SLC44A5: variants seen among roughly 807,000 people sequenced by gnomAD.
SLC44A5 encodes solute carrier family 44 member 5, also known as choline transporter-like protein 5.
SLC44A5 carries 57 observed loss-of-function variants against 101.8 expected under a neutral mutation model. That is an observed-to-expected ratio of 0.56 (90% CI 0.45 to 0.70). SLC44A5 has a LOEUF of 0.70. Among genes scored for constraint, SLC44A5 ranks in the 30% least tolerant of loss-of-function variants. The pLI is 0.00. For missense variants in SLC44A5, 737 were observed against 853.1 expected, an observed-to-expected ratio of 0.86 and a Z score of 1.70; for synonymous variants, 281 against 290.9, an observed-to-expected ratio of 0.97 and a Z score of 0.35.
At chr1:75,648,117 T>C in the SLC44A5 span, among the ~76,000 whole-genome samples, 2 of 152,186 alleles carry the variant, frequency 1.3e-5, no homozygotes, top group Non-Finnish European at 2.9e-5. Flanking sequence ...GGGAAGCAAT[T>C]AGATCATGGG....
intron 4 of SLC44A5, among the ~76,000 whole-genome samples, chr1:75,329,629 A>G (rs1277794814): frequency 6.6e-6 from 1 of 152,172 alleles, no homozygotes; most frequent in African/African-American, 2.4e-5. Flanking sequence ...ATGAAGGAAT[A>G]AACTAATGCA....
At chr1:75,574,073 T>A (rs77188765) in intron 1 of SLC44A5, among the ~76,000 whole-genome samples, 6,193 of 152,226 alleles carry the variant, frequency 0.041, 419 homozygotes, top group African/African-American at 0.14. Flanking sequence ...AATATTTTTT[T>A]AAAAAGTGAA....
chr1:75,344,463 A>G (rs1658104254), intron 3 of SLC44A5, among the ~76,000 whole-genome samples: 1 of 152,166 alleles, frequency 6.6e-6, no homozygotes, highest in Non-Finnish European at 1.5e-5. Context: ...GATTTTGCAG[A>G]TGTGAATAAA....
At chr1:75,581,434 T>C (rs1570667748) in intron 1 of SLC44A5, among the ~76,000 whole-genome samples, 1 of 152,194 alleles carries the variant, frequency 6.6e-6, no homozygotes, top group South Asian at 2.1e-4. Context: ...GTAAAATATA[T>C]AAAAATGCCA....
the SLC44A5 span, among the ~76,000 whole-genome samples, chr1:75,670,071 A>T: frequency 6.6e-6 from 1 of 152,216 alleles, no homozygotes; most frequent in Non-Finnish European, 1.5e-5. Context: ...AATAGAATTA[A>T]TGATACAAAT....
chr1:75,676,819 T>C, the SLC44A5 span, among the ~76,000 whole-genome samples: 1,381 of 152,210 alleles, frequency 9.1e-3, 22 homozygotes, highest in African/African-American at 0.032. Flanking sequence ...CCTCAAGACA[T>C]TTAATAATCA....
chr1:75,229,170 A>T (rs1647338834), intron 12 of SLC44A5, among the ~76,000 whole-genome samples: 1 of 151,890 alleles, frequency 6.6e-6, no homozygotes, highest in Non-Finnish European at 1.5e-5. Flanking sequence ...CACCCTCAAG[A>T]GTTTCTCTCA....
intron 6 of SLC44A5, among the ~76,000 whole-genome samples, chr1:75,265,802 G>A (rs1650934240): frequency 6.6e-6 from 1 of 152,092 alleles, no homozygotes; most frequent in Non-Finnish European, 1.5e-5. Context: ...TTTCAGTCTT[G>A]GTAATGGTGC....
intron 5 of SLC44A5, among the ~76,000 whole-genome samples, chr1:75,298,693 C>A (rs1222458901): frequency 2.0e-5 from 3 of 152,028 alleles, no homozygotes; most frequent in Non-Finnish European, 2.9e-5. Context: ...AGGATGAGAT[C>A]TTTGTGAAGT....
At chr1:75,235,757 T>G (rs549418981) in intron 11 of SLC44A5, among the ~76,000 whole-genome samples, 38 of 152,200 alleles carry the variant, frequency 2.5e-4, no homozygotes, top group African/African-American at 8.7e-4. Context: ...TTTTTCGTAC[T>G]CTTCCCTGAA....
intron 3 of SLC44A5, among the ~76,000 whole-genome samples, chr1:75,393,932 G>A (rs557716191): frequency 2.6e-5 from 4 of 152,116 alleles, no homozygotes; most frequent in African/African-American, 9.7e-5. Context: ...ATTTGGTGGG[G>A]TATAAAGTCA....
At chr1:75,572,480 C>T (rs2102041012) in intron 1 of SLC44A5, among the ~76,000 whole-genome samples, 1 of 152,282 alleles carries the variant, frequency 6.6e-6, no homozygotes, top group African/African-American at 2.4e-5. Context: ...CTTCCATAGA[C>T]CAATAGAGAA....
chr1:75,634,259 T>C, the SLC44A5 span, among the ~76,000 whole-genome samples: 1 of 152,330 alleles, frequency 6.6e-6, no homozygotes, highest in African/African-American at 2.4e-5. Context: ...GAGGATTCCC[T>C]CTTTTTCTAT....
chr1:75,317,403 G>A (rs1193636586), intron 4 of SLC44A5, among the ~76,000 whole-genome samples: 5 of 152,186 alleles, frequency 3.3e-5, no homozygotes, highest in African/African-American at 1.2e-4. Context: ...ATTACTGGTT[G>A]CTGGAATAGA....
chr1:75,230,036 T>C (rs554474649), intron 12 of SLC44A5, among the ~76,000 whole-genome samples: 13 of 152,248 alleles, frequency 8.5e-5, no homozygotes, highest in Non-Finnish European at 1.6e-4. Context: ...TGTTACATTC[T>C]GCTATATTTT....
chr1:75,394,110 C>T (rs1391489079), intron 3 of SLC44A5, among the ~76,000 whole-genome samples: 9 of 152,090 alleles, frequency 5.9e-5, no homozygotes, highest in Non-Finnish European at 8.8e-5. Context: ...TAAGTGTGAG[C>T]GACTGGCCAG....
chr1:75,419,531 T>C (rs1484871823), intron 2 of SLC44A5, among the ~76,000 whole-genome samples: 1 of 149,954 alleles, frequency 6.7e-6, no homozygotes, highest in East Asian at 2.0e-4. Flanking sequence ...CTTTCAAAAA[T>C]GAAGATGAAA....
At chr1:75,537,590 G>C (rs972523618) in intron 2 of SLC44A5, among the ~76,000 whole-genome samples, 1 of 152,214 alleles carries the variant, frequency 6.6e-6, no homozygotes, top group South Asian at 2.1e-4. Flanking sequence ...ACAACAGCAG[G>C]CTTGTCCATC....
chr1:75,249,449 C>T (rs568300539), intron 7 of SLC44A5, among the ~76,000 whole-genome samples: 1 of 152,170 alleles, frequency 6.6e-6, no homozygotes, highest in African/African-American at 2.4e-5. Context: ...GGCCTCAAGA[C>T]AGCACACTTT....
Sources: gnomAD v4.1 joint callset for allele counts (sites outside exome capture counted in the v4.1 genomes callset) on GRCh38, gnomAD v4.1.1 for gene constraint, MANE v1.5 for transcripts, NCBI Gene and HGNC (gene_info 2026-07-23, HGNC 2026-07-21) for gene names.